The following KIAA0825 variants were observed in gnomAD, a reference collection of about 807,000 sequenced individuals.
The protein encoded by KIAA0825 is uncharacterized protein KIAA0825.
KIAA0825 carries 119 observed loss-of-function variants against 147.6 expected under a neutral mutation model. That is an observed-to-expected ratio of 0.81 (90% CI 0.69 to 0.94). The LOEUF (loss-of-function observed/expected upper bound fraction) is 0.94, where lower values mean the gene tolerates loss of function less well. Ranked by LOEUF, KIAA0825 falls within the 40% of genes least tolerant of loss-of-function variation. KIAA0825 has a pLI of 0.00. For synonymous variants in KIAA0825, 470 were observed against 518.1 expected, an observed-to-expected ratio of 0.91 and a Z score of 1.26; for missense variants, 1,381 against 1,472.7, an observed-to-expected ratio of 0.94 and a Z score of 1.02.
intron 15 of KIAA0825, chr5:94,415,442 T>C (rs1753326623): frequency 6.6e-6 from 1 of 152,108 alleles, no homozygotes; most frequent in Non-Finnish European, 1.5e-5. Context: ...AATTTCGTTA[T>C]GAATTAGTAC....
At chr5:94,442,012 T>C (rs1046733160) in intron 13 of KIAA0825, among the ~76,000 whole-genome samples, 1 of 152,230 alleles carries the variant, frequency 6.6e-6, no homozygotes, top group African/African-American at 2.4e-5. Flanking sequence ...GTGAAGACAC[T>C]GGCTGTATAT....
rs1048842026 is a variant in KIAA0825, at chr5:94,431,843, C to T, written c.2497+8139G>A. ...CAACCTAAACCAGAGAATGCATGAC[C>T]CTGTGTTGGAGCATACTATGCTGGG... is the stretch of plus-strand genomic sequence containing the variant. On this transcript the variant is annotated intron_variant, in intron 14 of 20. Transcript: ENST00000682413. 4.6e-5 allele frequency among the ~76,000 whole-genome samples: 7 copies of T among 151,990 alleles called. 1 individual carries two copies. Among genetic ancestry groups the T allele is most frequent in the Non-Finnish European group, 7.4e-5 (5 of 67,998 alleles).
At chr5:94,188,099 C>T (rs1231907512) in intron 20 of KIAA0825, among the ~76,000 whole-genome samples, 2 of 152,162 alleles carry the variant, frequency 1.3e-5, no homozygotes, top group East Asian at 3.9e-4. Flanking sequence ...AGTTGGCTGT[C>T]TACAACCCAG....
intron 20 of KIAA0825, among the ~76,000 whole-genome samples, chr5:94,160,538 T>G (rs1331339428): frequency 6.7e-6 from 1 of 148,610 alleles, no homozygotes; most frequent in Non-Finnish European, 1.5e-5. Flanking sequence ...ATAATATACA[T>G]ACATATATGT....
chr5:94,412,933 T>C (rs1285282078), intron 15 of KIAA0825: 1 of 151,718 alleles, frequency 6.6e-6, no homozygotes, highest in African/African-American at 2.4e-5. Flanking sequence ...ACTGCAGGAC[T>C]TGAGTATATG....
At chr5:94,175,728 C>T (rs990759365) in intron 20 of KIAA0825, among the ~76,000 whole-genome samples, 5 of 152,054 alleles carry the variant, frequency 3.3e-5, no homozygotes, top group Non-Finnish European at 5.9e-5. Flanking sequence ...TCTATATTTA[C>T]GTGAATTTAG....
chr5:94,187,402 GTTTTTTTT>G (rs34689731), intron 20 of KIAA0825, among the ~76,000 whole-genome samples: 1 of 105,680 alleles, frequency 9.5e-6, no homozygotes, highest in Non-Finnish European at 1.8e-5. Flanking sequence ...AGAGAAAGGA[GTTTTTTTT>G]TTTTTTTTTT....
chr5:94,504,031 G>A (rs1201621769), intron 5 of KIAA0825, among the ~76,000 whole-genome samples: 4 of 152,128 alleles, frequency 2.6e-5, no homozygotes, highest in East Asian at 3.9e-4. Context: ...AAGAGAGAAA[G>A]GGGCTCAATT....
chr5:94,311,045 AT>A (rs1188004424), intron 20 of KIAA0825, among the ~76,000 whole-genome samples: 1 of 151,646 alleles, frequency 6.6e-6, no homozygotes, highest in East Asian at 1.9e-4. Flanking sequence ...TTGTAGAAAA[AT>A]TGTAAATAGC....
chr5:94,479,525 G>C (rs1762259688), intron 6 of KIAA0825, among the ~76,000 whole-genome samples: 1 of 152,094 alleles, frequency 6.6e-6, no homozygotes, highest in African/African-American at 2.4e-5. Flanking sequence ...CTGCTTCCAA[G>C]TTTTGGCAGT....
At position 94,465,052 on chromosome 5, in the gene KIAA0825, C is replaced by T. The variant is rs1307496999; in HGVS notation, c.1880G>A (p.Arg627Lys). 6.4e-7 allele frequency: 1 copy of T among 1,551,232 alleles called. No individual in the cohort carries two copies. The highest frequency in any genetic ancestry group is 8.7e-7 in the Non-Finnish European group (1 of 1,146,718). Reference protein sequence around the residue: ...DDYKAFYEGERCSFSIQMWHY... With the variant: ...DDYKAFYEGEKCSFSIQMWHY... The stretch of plus-strand genomic sequence containing the variant: ...CCACATCTGGATCGAGAAGGAACAT[C>T]TTTCCCCCTGGCAAAGCCAGCACAC... The change falls in exon 11 of 21, where the codon AGA becomes AAA. Residue 627 changes from arginine to lysine, a missense_variant. By Grantham distance (26) the Arg-to-Lys change is conservative. Transcript: ENST00000682413.
At chr5:94,575,473 T>A (rs764764365) in intron 2 of KIAA0825, among the ~76,000 whole-genome samples, 8 of 152,146 alleles carry the variant, frequency 5.3e-5, no homozygotes, top group Non-Finnish European at 8.8e-5. Flanking sequence ...CGCTGTTACA[T>A]GTTCAGGCAC....
intron 20 of KIAA0825, among the ~76,000 whole-genome samples, chr5:94,155,297 G>T (rs1181982818): frequency 6.7e-6 from 1 of 148,966 alleles, no homozygotes. Context: ...GGCTCACTGC[G>T]GGCTTGACCT....
chr5:94,591,293 C>T (rs1784308744), intron 1 of KIAA0825, among the ~76,000 whole-genome samples: 1 of 152,184 alleles, frequency 6.6e-6, no homozygotes, highest in Non-Finnish European at 1.5e-5. Context: ...CTAAAAAACA[C>T]AATCAATTGA....
intron 18 of KIAA0825, among the ~76,000 whole-genome samples, chr5:94,390,946 G>A (rs1424308232): frequency 6.6e-6 from 1 of 152,152 alleles, no homozygotes; most frequent in African/African-American, 2.4e-5. Context: ...CAAGTAAATA[G>A]CTGAGATAAC....
chr5:94,525,239 C>T (rs1329462864), intron 3 of KIAA0825, among the ~76,000 whole-genome samples: 1 of 151,748 alleles, frequency 6.6e-6, no homozygotes, highest in Non-Finnish European at 1.5e-5. Context: ...ATGATAGAAC[C>T]TGGTAGGCTT....
At chr5:94,281,873 T>G (rs1467923193) in intron 20 of KIAA0825, among the ~76,000 whole-genome samples, 1 of 152,038 alleles carries the variant, frequency 6.6e-6, no homozygotes, top group African/African-American at 2.4e-5. Flanking sequence ...TTTGCTATTT[T>G]TCTCTCTTCA....
intron 1 of KIAA0825, among the ~76,000 whole-genome samples, chr5:94,607,838 T>C (rs1787778229): frequency 6.6e-6 from 1 of 152,192 alleles, no homozygotes; most frequent in Non-Finnish European, 1.5e-5. Context: ...CTTTTGCATG[T>C]TCCAGCTTTA....
In KIAA0825 at chr5:94,472,753, A is replaced by G. The variant is rs536109408; in HGVS notation, c.1455+539T>C. ...AGTGAGGCCCCCGTCTCAAAAAAAC[A>G]AAACAAAACAAAAAAAGAATATCCC... On this transcript the variant is annotated intron_variant, in intron 8 of 20. Transcript: ENST00000682413. Among the ~76,000 whole-genome samples the G allele has an allele frequency of 1.1e-3, 162 of 152,284 alleles. 1 individual carries two copies. The highest frequency in any genetic ancestry group is 3.9e-3 in the African/African-American group (160 of 41,554).
Sources: gnomAD v4.1 joint callset for allele counts (sites outside exome capture counted in the v4.1 genomes callset) on GRCh38, gnomAD v4.1.1 for gene constraint, MANE v1.5 for transcripts, NCBI Gene and HGNC (gene_info 2026-07-23, HGNC 2026-07-21) for gene names.